The following METTL21A variants were observed in gnomAD, a reference collection of about 807,000 sequenced individuals.
METTL21A encodes the protein protein N-lysine methyltransferase METTL21A.
A neutral mutation model predicts 20.9 loss-of-function variants in METTL21A; 22 were observed. The ratio of observed to expected loss-of-function variants is 1.05; its 90% confidence interval spans 0.75 to 1.50. METTL21A has a LOEUF of 1.50. METTL21A is among the 40% of genes most tolerant of loss of function. METTL21A has a pLI of 0.00. For synonymous variants in METTL21A, 93 were observed against 102.0 expected, an observed-to-expected ratio of 0.91 and a Z score of 0.53; for missense variants, 271 against 266.8, an observed-to-expected ratio of 1.02 and a Z score of -0.11.
chr2:207,588,353 T>G lies in METTL21A; in HGVS notation c.260-6193A>C, dbSNP rs147335788. On this transcript the variant is annotated intron_variant, in intron 3 of 3. Transcript: ENST00000425132. ...TTTTTCAAAAATTAATTGACCATAT[T>G]TGTGTGAGTCTGTTTCTTGGATATC... 5.8e-3 allele frequency among the ~76,000 whole-genome samples: 890 copies of G among 152,260 alleles called. 4 individuals carry two copies. The highest frequency in any genetic ancestry group is 0.02 in the African/African-American group (848 of 41,550).
intron 3 of METTL21A, chr2:207,582,234 G>A (rs2083060247): frequency 5.9e-5 from 41 of 700,594 alleles, no homozygotes; most frequent in South Asian, 5.8e-4. Flanking sequence ...TATTTTAGAA[G>A]AAGTACTTGG....
intron 3 of METTL21A, among the ~76,000 whole-genome samples, chr2:207,584,716 T>C (rs535484319): frequency 1.3e-5 from 2 of 152,212 alleles, no homozygotes; most frequent in South Asian, 2.1e-4. Context: ...TTAGTGACTT[T>C]TATGTGATTT....
downstream of METTL21A, among the ~76,000 whole-genome samples, chr2:207,607,165 G>A (rs1469422544): frequency 2.6e-5 from 4 of 152,030 alleles, no homozygotes; most frequent in East Asian, 3.9e-4. Flanking sequence ...GAGGCAGGTC[G>A]ATCACGAGGT....
intron 3 of METTL21A, among the ~76,000 whole-genome samples, chr2:207,589,874 A>G (rs1169402373): frequency 6.6e-6 from 1 of 152,068 alleles, no homozygotes; most frequent in Non-Finnish European, 1.5e-5. Context: ...GAGGATTTTT[A>G]TGTCTACGTT....
chr2:207,620,549 A>C, intron 3 of METTL21A: 1 of 965,058 alleles, frequency 1.0e-6, no homozygotes, highest in Non-Finnish European at 1.5e-6. Context: ...AGGACTTCAG[A>C]AAGTAGCTTC....
At chr2:207,620,120 T>C (rs2090307574) in intron 3 of METTL21A, among the ~76,000 whole-genome samples, 1 of 152,148 alleles carries the variant, frequency 6.6e-6, no homozygotes, top group African/African-American at 2.4e-5. Flanking sequence ...AACTCTTATA[T>C]CAGCAGAGAG....
intron 3 of METTL21A, among the ~76,000 whole-genome samples, chr2:207,583,970 A>C (rs912564136): frequency 6.6e-6 from 1 of 152,142 alleles, no homozygotes; most frequent in Non-Finnish European, 1.5e-5. Flanking sequence ...CATCTAGCAA[A>C]ATGCATTTAA....
intron 3 of METTL21A, chr2:207,603,009 G>T: frequency 9.3e-6 from 2 of 214,040 alleles, no homozygotes; most frequent in Non-Finnish European, 9.4e-6. Context: ...GAGGGTTGGG[G>T]TAAAGAAGAC....
At chr2:207,608,084 G>C (rs552215713), downstream of METTL21A, among the ~76,000 whole-genome samples, 2 of 152,088 alleles carry the variant, frequency 1.3e-5, no homozygotes, top group African/African-American at 4.8e-5. Flanking sequence ...TCAGCCTCAG[G>C]TTATAAACCT....
intron 3 of METTL21A, among the ~76,000 whole-genome samples, chr2:207,604,083 G>C (rs1268325216): frequency 6.6e-6 from 1 of 152,128 alleles, no homozygotes; most frequent in Non-Finnish European, 1.5e-5. Context: ...AATTACATGA[G>C]GGACAATAGG....
rs879266938 is a variant in METTL21A, at chr2:207,616,183, TA to T, written c.260-2741del. Reference sequence around the variant, plus strand: ...CAACAGAGCGAGACCCTATCTCTTTTAAAAAAAAAAAAATGCAGACAGCCTT... The same window carrying T: ...CAACAGAGCGAGACCCTATCTCTTTTAAAAAAAAAAAATGCAGACAGCCTT... On this transcript the variant is annotated intron_variant, in intron 3 of 3. Coordinates refer to ENST00000406927, the Ensembl canonical transcript of METTL21A. Among the ~76,000 whole-genome samples, 554 of 145,534 alleles carry T rather than the reference TA, an allele frequency of 3.8e-3. 3 individuals are homozygous for T. The highest frequency in any genetic ancestry group is 8.8e-3 in the African/African-American group (350 of 39,990).
exon 2 of METTL21A, chr2:207,624,303 A>C (rs754388061): frequency 6.2e-7 from 1 of 1,613,680 alleles, no homozygotes; most frequent in South Asian, 1.1e-5. Context: ...TTTGCAAAGG[A>C]AAAAGTTGCA....
intron 3 of METTL21A, chr2:207,597,564 TAAGAGA>T (rs1288993593): frequency 3.8e-5 from 8 of 210,280 alleles, no homozygotes; most frequent in Non-Finnish European, 7.7e-5. Context: ...GTAAAGTTGT[TAAGAGA>T]CATACCCTCT....
intron 3 of METTL21A, 37 bp from the exon 4 acceptor site, chr2:207,613,480 C>T (rs1390680897): frequency 1.3e-6 from 2 of 1,521,728 alleles, no homozygotes; most frequent in South Asian, 2.6e-5. Context: ...ATGTGTACAT[C>T]AGTACAATTC....
chr2:207,592,868 G>T (rs1024825433), intron 3 of METTL21A, among the ~76,000 whole-genome samples: 3 of 150,680 alleles, frequency 2.0e-5, no homozygotes, highest in African/African-American at 7.3e-5. Context: ...AGTCCAGATT[G>T]CACCACTGCA....
chr2:207,604,606 G>T (rs369869267), downstream of METTL21A, among the ~76,000 whole-genome samples: 6 of 152,192 alleles, frequency 3.9e-5, no homozygotes, highest in African/African-American at 1.4e-4. Context: ...TAATTAAGAT[G>T]CAATTCACAT....
chr2:207,589,529 C>A (rs1394647170), intron 3 of METTL21A, among the ~76,000 whole-genome samples: 1 of 152,202 alleles, frequency 6.6e-6, no homozygotes, highest in Non-Finnish European at 1.5e-5. Flanking sequence ...CATACTCACA[C>A]ACTGCAGAGA....
chr2:207,594,834 C>G (rs1034672689), intron 3 of METTL21A, among the ~76,000 whole-genome samples: 1 of 152,110 alleles, frequency 6.6e-6, no homozygotes, highest in African/African-American at 2.4e-5. Flanking sequence ...TACATTCCTA[C>G]CAACAGTACA....
At chr2:207,614,567 G>A (rs1156414720) in intron 3 of METTL21A, among the ~76,000 whole-genome samples, 6 of 152,128 alleles carry the variant, frequency 3.9e-5, no homozygotes, top group African/African-American at 1.2e-4. Flanking sequence ...CATGTTTTAC[G>A]TATTTCTTGA....
Sources: allele counts gnomAD v4.1 joint callset (sites outside exome capture counted in the v4.1 genomes callset), GRCh38; gene constraint gnomAD v4.1.1; transcripts MANE v1.5; gene names NCBI Gene and HGNC (gene_info 2026-07-23, HGNC 2026-07-21).